Variants in SNAP23 observed in about 807,000 individuals in gnomAD.
SNAP23 encodes the protein synaptosome associated protein 23, also known as synaptosomal-associated protein 23.
In SNAP23, 11 loss-of-function variants were observed where a neutral mutation model predicts 29.0. That is an observed-to-expected ratio of 0.38 (90% confidence interval 0.24 to 0.63). The LOEUF (loss-of-function observed/expected upper bound fraction) is 0.63, where lower values mean the gene tolerates loss of function less well. Among genes scored for constraint, SNAP23 ranks in the 20% least tolerant of loss-of-function variants. The pLI, the probability that SNAP23 is intolerant of heterozygous loss-of-function variation, is 0.58. For missense variants in SNAP23, 220 were observed against 253.9 expected, an observed-to-expected ratio of 0.87 and a Z score of 0.91; for synonymous variants, 60 against 82.9, an observed-to-expected ratio of 0.72 and a Z score of 1.50.
In SNAP23 at chr15:42,529,880, C is replaced by T. The variant is rs114647965; in HGVS notation, c.570+61C>T. 5.1e-4 allele frequency: 792 copies of T among 1,560,992 alleles called. 2 individuals carry two copies. The African/African-American group carries it at 9.4e-3, about 19-fold the overall frequency. On this transcript the variant is annotated intron_variant, in intron 7 of 7. Transcript: ENST00000249647. Reference sequence around the variant, plus strand: ...CCCAGTTCAGTGTTTCAGTAATAGACATCTGTGCTAGATACTGTGGGGGAC... The same window carrying T: ...CCCAGTTCAGTGTTTCAGTAATAGATATCTGTGCTAGATACTGTGGGGGAC...
At chr15:42,515,192 A>G in intron 4 of SNAP23, 45 bp from the exon 5 acceptor site, 2 of 1,194,128 alleles carry the variant, frequency 1.7e-6, no homozygotes, top group South Asian at 2.7e-5. Flanking sequence ...TCTGGTTGAC[A>G]CTGTGAATGG....
intron 5 of SNAP23, among the ~76,000 whole-genome samples, chr15:42,519,015 A>C (rs954334430): frequency 6.7e-6 from 1 of 150,094 alleles, no homozygotes; most frequent in Non-Finnish European, 1.5e-5. Flanking sequence ...GGTGCATGTC[A>C]CCATGCCTGG....
intron 1 of SNAP23, among the ~76,000 whole-genome samples, chr15:42,510,326 G>A (rs556171603): frequency 6.6e-6 from 1 of 152,064 alleles, no homozygotes; most frequent in East Asian, 1.9e-4. Flanking sequence ...GGTAGAGATG[G>A]GGTTTTGCCA....
At chr15:42,503,914 T>A (rs2057296647) in intron 1 of SNAP23, among the ~76,000 whole-genome samples, 2 of 152,102 alleles carry the variant, frequency 1.3e-5, no homozygotes, top group South Asian at 4.2e-4. Context: ...GAGAAAAAAA[T>A]ATGTATGTAT....
chr15:42,491,889 A>ATTAT (rs764056114), upstream of SNAP23, among the ~76,000 whole-genome samples: 6,719 of 142,634 alleles, frequency 0.047, 504 homozygotes, highest in African/African-American at 0.16. Flanking sequence ...GCCTACATTT[A>ATTAT]TTATTTATTT....
intron 2 of SNAP23, 119 bp from the exon 3 acceptor site, chr15:42,512,836 C>T (rs899739626): frequency 2.9e-6 from 2 of 696,696 alleles, no homozygotes; most frequent in Admixed American, 2.4e-5. Flanking sequence ...AGGCATGAGC[C>T]ACTGTGCCCG....
intron 1 of SNAP23, among the ~76,000 whole-genome samples, chr15:42,499,751 A>T (rs553397865): frequency 1.3e-5 from 2 of 152,234 alleles, no homozygotes; most frequent in Non-Finnish European, 2.9e-5. Context: ...TTTAAAATGA[A>T]GATTGAACTA....
intron 5 of SNAP23, among the ~76,000 whole-genome samples, chr15:42,518,880 T>A (rs772284352): frequency 6.6e-6 from 1 of 152,046 alleles, no homozygotes; most frequent in Non-Finnish European, 1.5e-5. Context: ...ATACTCTTTT[T>A]GAGTCAGGGT....
chr15:42,496,246 TTTTC>T (rs1365830620), intron 1 of SNAP23, among the ~76,000 whole-genome samples: 1 of 152,158 alleles, frequency 6.6e-6, no homozygotes, highest in African/African-American at 2.4e-5. Flanking sequence ...CTCGTCCTTT[TTTTC>T]TTCTTTAATC....
At chr15:42,505,021 C>T (rs1415219033) in intron 1 of SNAP23, 1 of 152,090 alleles carries the variant, frequency 6.6e-6, no homozygotes, top group Non-Finnish European at 1.5e-5. Context: ...ATTTTAGCTG[C>T]AAAATCCTTG....
intron 1 of SNAP23, among the ~76,000 whole-genome samples, chr15:42,508,229 C>T (rs2057329980): frequency 6.7e-6 from 1 of 149,416 alleles, no homozygotes; most frequent in African/African-American, 2.5e-5. Flanking sequence ...CACCACCGCT[C>T]TCCAACCTGG....
At chr15:42,515,725 A>G (rs1033607928) in intron 5 of SNAP23, among the ~76,000 whole-genome samples, 1 of 152,246 alleles carries the variant, frequency 6.6e-6, no homozygotes, top group African/African-American at 2.4e-5. Context: ...GATGGCCAAA[A>G]GAGTAGAAGA....
At chr15:42,510,158 T>C (rs1054919724) in intron 1 of SNAP23, among the ~76,000 whole-genome samples, 6 of 152,120 alleles carry the variant, frequency 3.9e-5, no homozygotes, top group African/African-American at 1.4e-4. Flanking sequence ...TTTTTTGAGA[T>C]AGGGTCTTGC....
chr15:42,507,889 AT>A (rs111394697), intron 1 of SNAP23, among the ~76,000 whole-genome samples: 19,927 of 151,488 alleles, frequency 0.13, 1,777 homozygotes, highest in African/African-American at 0.25. Context: ...TTATAGGTAA[AT>A]TTTTTTTTCA....
At chr15:42,499,839 G>T (rs2141500394) in intron 1 of SNAP23, among the ~76,000 whole-genome samples, 1 of 152,274 alleles carries the variant, frequency 6.6e-6, no homozygotes, top group East Asian at 1.9e-4. Context: ...AAGTTTACTG[G>T]TTCCACCAGA....
At chr15:42,500,036 T>C (rs1451262685) in intron 1 of SNAP23, among the ~76,000 whole-genome samples, 1 of 152,192 alleles carries the variant, frequency 6.6e-6, no homozygotes, top group African/African-American at 2.4e-5. Flanking sequence ...TCCCAGCTAC[T>C]CAGAAGGCTG....
At chr15:42,511,277 C>A (rs1277652435) in intron 1 of SNAP23, among the ~76,000 whole-genome samples, 1 of 152,074 alleles carries the variant, frequency 6.6e-6, no homozygotes, top group African/African-American at 2.4e-5. Flanking sequence ...ATAATAAAAA[C>A]CTTAGTCTTT....
At chr15:42,499,863 G>A (rs1248670162) in intron 1 of SNAP23, among the ~76,000 whole-genome samples, 1 of 152,172 alleles carries the variant, frequency 6.6e-6, no homozygotes, top group African/African-American at 2.4e-5. Flanking sequence ...AAGTAGATTA[G>A]GGCCGGGCGG....
upstream of SNAP23, chr15:42,491,211 C>T (rs1167437146): frequency 6.6e-6 from 1 of 152,252 alleles, no homozygotes; most frequent in Non-Finnish European, 1.5e-5. Context: ...TATTTGAACA[C>T]AAGAGAGTGA....
Sources: allele counts gnomAD v4.1 joint callset (sites outside exome capture counted in the v4.1 genomes callset), GRCh38; gene constraint gnomAD v4.1.1; transcripts MANE v1.5; gene names NCBI Gene and HGNC (gene_info 2026-07-23, HGNC 2026-07-21).